The following CSMD1 variants were observed in gnomAD, a reference collection of about 807,000 sequenced individuals.
The protein encoded by CSMD1 is CUB and sushi domain-containing protein 1.
A neutral mutation model predicts 417.5 loss-of-function variants in CSMD1; 213 were observed. The observed-to-expected ratio is 0.51, with a 90% CI of 0.46 to 0.57. CSMD1 has a LOEUF of 0.57. Ranked by LOEUF, CSMD1 falls within the 20% of genes least tolerant of loss-of-function variation. The pLI is 0.00. For synonymous variants in CSMD1, 2,862 were observed against 1,736.8 expected, an observed-to-expected ratio of 1.65 and a Z score of -16.11; for missense variants, 6,923 against 4,529.7, an observed-to-expected ratio of 1.53 and a Z score of -15.17.
At chr8:3,559,308 G>A (rs901504481) in intron 10 of CSMD1, among the ~76,000 whole-genome samples, 6 of 152,226 alleles carry the variant, frequency 3.9e-5, no homozygotes, top group African/African-American at 1.4e-4. Flanking sequence ...GCCATGGAAT[G>A]ATTGTTTGTG....
In CSMD1 at chr8:3,863,415, G is replaced by C. The variant is rs6999155; in HGVS notation, c.819-109373C>G. ...CTGCTCAAAAAAAAAAAAAAAAAAAGTGCTAATACCATTCATGTGGGTAGA... is the reference window on the plus strand; with the variant it reads ...CTGCTCAAAAAAAAAAAAAAAAAAACTGCTAATACCATTCATGTGGGTAGA... On this transcript the variant is annotated intron_variant, in intron 5 of 69. Transcript: ENST00000635120. Among the ~76,000 whole-genome samples, 1,279 of 130,888 alleles carry C rather than the reference G, an allele frequency of 9.8e-3. 25 individuals are homozygous for C. Among genetic ancestry groups the C allele is most frequent in the African/African-American group, 0.036 (1,222 of 33,982 alleles). 85.9% of individuals were successfully genotyped at this position (130,888 alleles called of 152,430 possible). A position where few individuals can be genotyped will look rare whatever the true frequency, so the allele number is the denominator to read the frequency against.
chr8:2,975,961 G>T (rs1012490129), intron 55 of CSMD1, among the ~76,000 whole-genome samples: 3 of 152,154 alleles, frequency 2.0e-5, no homozygotes, highest in African/African-American at 7.2e-5. Flanking sequence ...AGACATAAAA[G>T]AAATGTTCTG....
chr8:4,596,821 G>A (rs1253539640), intron 2 of CSMD1, among the ~76,000 whole-genome samples: 1 of 152,154 alleles, frequency 6.6e-6, no homozygotes, highest in Non-Finnish European at 1.5e-5. Context: ...CACATATTGT[G>A]GGAGGGACCC....
chr8:4,583,095 G>A (rs556740365), intron 2 of CSMD1, among the ~76,000 whole-genome samples: 68 of 152,294 alleles, frequency 4.5e-4, no homozygotes, highest in African/African-American at 1.0e-3. Flanking sequence ...GCAGCCCGCC[G>A]TGCCTGAGCC....
At chr8:4,260,450 G>C (rs890298124) in intron 3 of CSMD1, among the ~76,000 whole-genome samples, 1 of 152,044 alleles carries the variant, frequency 6.6e-6, no homozygotes, top group Admixed American at 6.6e-5. Flanking sequence ...ACTGAGTGTG[G>C]GTTGGGGATG....
intron 11 of CSMD1, among the ~76,000 whole-genome samples, chr8:3,477,780 C>A (rs1333829245): frequency 6.6e-6 from 1 of 152,082 alleles, no homozygotes; most frequent in African/African-American, 2.4e-5. Context: ...GTACTGAGAG[C>A]AAGTAAAGTG....
At position 3,930,204 on chromosome 8, in the gene CSMD1, T is replaced by G. The variant is rs576395126; in HGVS notation, c.818+67699A>C. 9.1e-4 allele frequency among the ~76,000 whole-genome samples: 137 copies of G among 150,282 alleles called. 7 individuals carry two copies. Among genetic ancestry groups the G allele is most frequent in the Admixed American group, 1.5e-3 (22 of 15,108 alleles). Reference sequence around the variant, plus strand: ...ACTTGCCGTATCTATTAGATGATGATTCTATACGTGACAAGTAAAGTAGAG... The same window carrying G: ...ACTTGCCGTATCTATTAGATGATGAGTCTATACGTGACAAGTAAAGTAGAG... On this transcript the variant is annotated intron_variant, in intron 5 of 69. Coordinates refer to ENST00000635120, the MANE Select transcript of CSMD1 (RefSeq NM_033225.6).
chr8:3,116,852 T>G (rs1035711653), intron 42 of CSMD1, among the ~76,000 whole-genome samples: 5 of 152,042 alleles, frequency 3.3e-5, no homozygotes, highest in Non-Finnish European at 5.9e-5. Context: ...CCTGATAATT[T>G]CAAAAGAATT....
At chr8:3,462,119 C>T (rs1239779615) in intron 12 of CSMD1, among the ~76,000 whole-genome samples, 1 of 75,314 alleles carries the variant, frequency 1.3e-5, no homozygotes, top group Non-Finnish European at 2.6e-5. Flanking sequence ...CTTCAGAATC[C>T]AGGCCCCCCC....
chr8:3,406,032 C>A lies in CSMD1; in HGVS notation c.2261G>T (p.Cys754Phe). 6.2e-7 allele frequency: 1 copy of A among 1,613,526 alleles called. No homozygotes were observed. Reference sequence around the variant, plus strand: ...GGGGGTGGCAGGGACTGCACCTTCACAGCGGGGCACGGTGGAGCTCCAGAC... The same window carrying A: ...GGGGGTGGCAGGGACTGCACCTTCAAAGCGGGGCACGGTGGAGCTCCAGAC... Reference protein sequence around the residue: ...NVVWSSTVPRCEAPCGGHLTA... With the variant: ...NVVWSSTVPRFEAPCGGHLTA... The change falls in exon 15 of 70, where the codon TGT becomes TTT. Residue 754 changes from cysteine (C) to phenylalanine (F), a missense_variant. By Grantham distance (205) the Cys-to-Phe change is radical. Transcript: ENST00000635120.
At chr8:4,546,685 A>G (rs1319314418) in intron 2 of CSMD1, among the ~76,000 whole-genome samples, 6 of 152,166 alleles carry the variant, frequency 3.9e-5, no homozygotes, top group African/African-American at 1.4e-4. Flanking sequence ...GCCTGTAGAT[A>G]GCAGATCATG....
chr8:3,947,275 T>C (rs1035933324), intron 5 of CSMD1, among the ~76,000 whole-genome samples: 5 of 152,190 alleles, frequency 3.3e-5, no homozygotes, highest in South Asian at 2.1e-4. Flanking sequence ...TCCACATTTA[T>C]TGACGTGATT....
At chr8:3,623,613 A>C (rs1796360446) in intron 7 of CSMD1, among the ~76,000 whole-genome samples, 1 of 152,200 alleles carries the variant, frequency 6.6e-6, no homozygotes, top group Non-Finnish European at 1.5e-5. Context: ...AATCCTTATA[A>C]TCAGGCTATG....
At chr8:3,431,754 T>G (rs982545247) in intron 12 of CSMD1, among the ~76,000 whole-genome samples, 2 of 152,206 alleles carry the variant, frequency 1.3e-5, no homozygotes, top group Non-Finnish European at 2.9e-5. Flanking sequence ...TCTACAACGA[T>G]AACTTGTTCA....
At position 3,523,278 on chromosome 8, in the gene CSMD1, TAAG is replaced by T. The variant is rs368742765; in HGVS notation, c.1345-29555_1345-29553del. 4.7e-3 allele frequency among the ~76,000 whole-genome samples: 719 copies of T among 152,324 alleles called. 4 individuals are homozygous for T. The highest frequency in any genetic ancestry group is 0.017 in the African/African-American group (686 of 41,562). ...TATAGGATTTAAAATAAAGCCTACA[TAAG>T]AATAACCTATTTCTGTAATTATTTT... On this transcript the variant is annotated intron_variant, in intron 10 of 69. Coordinates refer to ENST00000635120, the MANE Select transcript of CSMD1 (RefSeq NM_033225.6).
chr8:4,242,979 G>A (rs1802491362), intron 3 of CSMD1, among the ~76,000 whole-genome samples: 1 of 152,182 alleles, frequency 6.6e-6, no homozygotes, highest in Non-Finnish European at 1.5e-5. Flanking sequence ...AATTTTATGT[G>A]TAGTGAAGGC....
intron 5 of CSMD1, among the ~76,000 whole-genome samples, chr8:3,789,131 T>C (rs1034332360): frequency 2.6e-5 from 4 of 152,110 alleles, no homozygotes; most frequent in Non-Finnish European, 5.9e-5. Flanking sequence ...ACTAAGTCCT[T>C]TGTTTTAGAG....
At chr8:3,431,413 C>A (rs1295503728) in intron 12 of CSMD1, among the ~76,000 whole-genome samples, 1 of 152,052 alleles carries the variant, frequency 6.6e-6, no homozygotes, top group Non-Finnish European at 1.5e-5. Context: ...TTTTGTATTC[C>A]CAGTTTGTCT....
chr8:3,054,594 G>A (rs891432560), intron 49 of CSMD1, among the ~76,000 whole-genome samples: 1 of 151,670 alleles, frequency 6.6e-6, no homozygotes, highest in Non-Finnish European at 1.5e-5. Context: ...CTCCAGACTG[G>A]GTGATAGAGC....
Sources: gnomAD v4.1 joint callset for allele counts (sites outside exome capture counted in the v4.1 genomes callset) on GRCh38, gnomAD v4.1.1 for gene constraint, MANE v1.5 for transcripts, NCBI Gene and HGNC (gene_info 2026-07-23, HGNC 2026-07-21) for gene names.